Variants in FAAH2 observed in about 807,000 individuals in gnomAD.
FAAH2 encodes the protein fatty-acid amide hydrolase 2.
Under a neutral mutation model 36.9 loss-of-function variants are expected in FAAH2, and 60 were observed. That is an observed-to-expected ratio of 1.63 (90% CI 1.32 to 2.02). The LOEUF (loss-of-function observed/expected upper bound fraction) is 2.02, where lower values mean the gene tolerates loss of function less well. Among genes scored for constraint, FAAH2 ranks in the 30% most tolerant of loss-of-function variants. The pLI is 0.00. For synonymous variants in FAAH2, 214 were observed against 143.8 expected (o/e 1.49, Z -3.49); for missense variants, 689 against 397.5 (o/e 1.73, Z -6.23).
intron 7 of FAAH2, among the ~76,000 whole-genome samples, chrX:57,419,178 A>T (rs1041727958): frequency 9.0e-6 from 1 of 110,983 alleles, no homozygotes; most frequent in Non-Finnish European, 1.9e-5. Flanking sequence ...CAATAAACAT[A>T]TATGTGCATG....
chrX:57,234,693 A>C, the FAAH2 span, among the ~76,000 whole-genome samples: 71 of 111,273 alleles, frequency 6.4e-4, no homozygotes, highest in African/African-American at 2.3e-3. Context: ...TAATGCAGCC[A>C]GTGATCTGAC....
chrX:57,331,776 T>C lies in FAAH2; in HGVS notation c.591T>C (p.Tyr197=). 1 of 1,211,714 alleles carries C rather than the reference T, an allele frequency of 8.3e-7. No individual in the cohort carries two copies. The highest frequency in any genetic ancestry group is 1.8e-5 in the South Asian group (1 of 57,003). ...TCTATGGCCGATCAAACAACCCATATGATTTACAGCATATTGTAGGTGGAA... is the reference window on the plus strand; with the variant it reads ...TCTATGGCCGATCAAACAACCCATACGATTTACAGCATATTGTAGGTGGAA... ...NKIYGRSNNP[Y]DLQHIVGGSS... The change falls in exon 4 of 11, where the codon TAT becomes TAC. Residue 197 remains tyrosine, a synonymous_variant. Transcript: ENST00000374900.
intron 7 of FAAH2, among the ~76,000 whole-genome samples, chrX:57,409,627 G>A (rs1249942000): frequency 9.0e-6 from 1 of 110,552 alleles, no homozygotes; most frequent in African/African-American, 3.3e-5. Flanking sequence ...TAGTTTTTAT[G>A]GTGTAGGTTC....
At chrX:57,360,799 C>T (rs1471388879) in intron 5 of FAAH2, among the ~76,000 whole-genome samples, 1 of 110,384 alleles carries the variant, frequency 9.1e-6, no homozygotes, top group Non-Finnish European at 1.9e-5. Context: ...CATTCATTAG[C>T]TATGTGCCCT....
At chrX:57,143,193 T>A in the FAAH2 span, among the ~76,000 whole-genome samples, 1 of 111,107 alleles carries the variant, frequency 9.0e-6, no homozygotes, top group Non-Finnish European at 1.9e-5. Flanking sequence ...TTTTCTTTAT[T>A]TCTGTCCTTC....
the FAAH2 span, among the ~76,000 whole-genome samples, chrX:57,160,948 T>C: frequency 1.8e-5 from 2 of 112,216 alleles, no homozygotes; most frequent in Non-Finnish European, 3.8e-5. Flanking sequence ...TTAATTGTGA[T>C]GTTAGGGTGT....
At chrX:57,300,776 C>A (rs1363933917) in intron 2 of FAAH2, among the ~76,000 whole-genome samples, 3 of 111,735 alleles carry the variant, frequency 2.7e-5, no homozygotes, top group African/African-American at 9.8e-5. Flanking sequence ...AAAAAACAAA[C>A]AACCCCATCA....
chrX:57,234,908 C>G, the FAAH2 span, among the ~76,000 whole-genome samples: 1 of 111,482 alleles, frequency 9.0e-6, no homozygotes, highest in African/African-American at 3.3e-5. Context: ...CATGGTGGTG[C>G]ACCCTAGTAA....
At chrX:57,213,726 G>A in the FAAH2 span, among the ~76,000 whole-genome samples, 1 of 111,603 alleles carries the variant, frequency 9.0e-6, no homozygotes, top group Non-Finnish European at 1.9e-5. Context: ...AACTTATTGG[G>A]ATTTATTTTG....
intron 10 of FAAH2, among the ~76,000 whole-genome samples, chrX:57,480,724 C>T (rs2147276541): frequency 9.0e-6 from 1 of 110,749 alleles, no homozygotes; most frequent in Non-Finnish European, 1.9e-5. Flanking sequence ...CTTGGGGTTG[C>T]TCTTCTTGAG....
intron 2 of FAAH2, among the ~76,000 whole-genome samples, chrX:57,301,005 A>G (rs1286176220): frequency 9.0e-6 from 1 of 111,036 alleles, no homozygotes; most frequent in South Asian, 3.9e-4. Context: ...CACTTTTACA[A>G]TGTTGGTGGG....
chrX:57,278,691 A>T, the FAAH2 span, among the ~76,000 whole-genome samples: 1 of 111,807 alleles, frequency 8.9e-6, no homozygotes, highest in Non-Finnish European at 1.9e-5. Context: ...TGGGAGAAAA[A>T]TTTTTGCAAT....
intron 5 of FAAH2, among the ~76,000 whole-genome samples, chrX:57,358,444 C>T (rs2054212901): frequency 9.0e-6 from 1 of 111,609 alleles, no homozygotes; most frequent in African/African-American, 3.3e-5. Context: ...AGTGGAATCA[C>T]ACAGTATTTG....
At chrX:57,235,520 C>T in the FAAH2 span, among the ~76,000 whole-genome samples, 1 of 111,646 alleles carries the variant, frequency 9.0e-6, no homozygotes, top group Non-Finnish European at 1.9e-5. Context: ...TATATATTTA[C>T]ACTTCAAAAA....
At chrX:57,463,157 G>C (rs1419449862) in intron 10 of FAAH2, among the ~76,000 whole-genome samples, 1 of 111,449 alleles carries the variant, frequency 9.0e-6, no homozygotes, top group African/African-American at 3.3e-5. Context: ...GGAAATAAGA[G>C]AGGACACAAA....
At chrX:57,469,450 T>C (rs755160541) in intron 10 of FAAH2, among the ~76,000 whole-genome samples, 1 of 111,561 alleles carries the variant, frequency 9.0e-6, no homozygotes, top group South Asian at 3.8e-4. Flanking sequence ...GTTGCAATCC[T>C]GATCTCTGAT....
chrX:57,236,498 A>G, the FAAH2 span, among the ~76,000 whole-genome samples: 4 of 112,007 alleles, frequency 3.6e-5, no homozygotes, highest in Admixed American at 9.5e-5. Context: ...CCTTGACAGC[A>G]TTTGATATTT....
the FAAH2 span, among the ~76,000 whole-genome samples, chrX:57,151,348 C>T: frequency 8.9e-6 from 1 of 112,096 alleles, no homozygotes; most frequent in East Asian, 2.8e-4. Context: ...TAATATCCTG[C>T]AGAGTGTTTT....
intron 4 of FAAH2, among the ~76,000 whole-genome samples, chrX:57,332,491 A>G (rs4326513): frequency 0.54 from 59,722 of 111,158 alleles, 14,096 homozygotes; most frequent in Non-Finnish European, 0.74. Flanking sequence ...CTCTTCCCAA[A>G]ACTGAATGAA....
Sources: gnomAD v4.1 joint callset for allele counts (sites outside exome capture counted in the v4.1 genomes callset) on GRCh38, gnomAD v4.1.1 for gene constraint, MANE v1.5 for transcripts, NCBI Gene and HGNC (gene_info 2026-07-23, HGNC 2026-07-21) for gene names.